ATG7: variants seen among roughly 807,000 people sequenced by gnomAD.
ATG7 encodes the protein ubiquitin-like modifier-activating enzyme ATG7.
A neutral mutation model predicts 82.4 loss-of-function variants in ATG7; 70 were observed. The ratio of observed to expected loss-of-function variants is 0.85; its 90% CI spans 0.70 to 1.04. The LOEUF is 1.04. ATG7 is among the 50% of genes least tolerant of loss of function. ATG7 has a pLI of 0.00. For synonymous variants in ATG7, 287 were observed against 313.0 expected (o/e 0.92, Z 0.88); for missense variants, 792 against 864.3 (o/e 0.92, Z 1.05).
At chr3:11,278,316 A>G (rs1431010594) in intron 1 of ATG7, among the ~76,000 whole-genome samples, 1 of 152,236 alleles carries the variant, frequency 6.6e-6, no homozygotes, top group Non-Finnish European at 1.5e-5. Flanking sequence ...AATCTTCACA[A>G]TTTATGTTCA....
chr3:11,438,668 G>C (rs964619877), intron 20 of ATG7, among the ~76,000 whole-genome samples: 1 of 152,114 alleles, frequency 6.6e-6, no homozygotes, highest in Non-Finnish European at 1.5e-5. Flanking sequence ...CAGAAGCTCT[G>C]ATTGGTAGTT....
chr3:11,339,917 T>C (rs902114394), intron 11 of ATG7, among the ~76,000 whole-genome samples: 2 of 152,170 alleles, frequency 1.3e-5, no homozygotes, highest in East Asian at 3.8e-4. Context: ...AGAAGACAGA[T>C]ATAAGTATAG....
intron 20 of ATG7, among the ~76,000 whole-genome samples, chr3:11,503,695 G>A (rs2091501938): frequency 1.4e-5 from 2 of 140,822 alleles, no homozygotes; most frequent in Non-Finnish European, 1.5e-5. Context: ...GGCGGAGGTT[G>A]CAGTGAGCCA....
At chr3:11,516,150 T>C (rs2092274511) in intron 20 of ATG7, among the ~76,000 whole-genome samples, 2 of 151,754 alleles carry the variant, frequency 1.3e-5, no homozygotes, top group Admixed American at 1.3e-4. Context: ...AAAGAATGCA[T>C]CCCCAACTCA....
In ATG7 at chr3:11,533,825, ACT is replaced by A. The variant is rs1371554041; in HGVS notation, c.2080-20983_2080-20982del. On this transcript the variant is annotated intron_variant, in intron 20 of 20. Coordinates refer to ENST00000693202, the MANE Select transcript of ATG7 (RefSeq NM_001349232.2). ...AAACAAAAGAAACTAGAAGCAGAAA[ACT>A]CTGAATTGTTTATAAAATGGGCTTT... Among the ~76,000 whole-genome samples the A allele has an allele frequency of 1.4e-4, 22 of 152,262 alleles. No individual in the cohort carries two copies. In the East Asian group the frequency reaches 4.1e-3, roughly 28 times the overall value.
the ATG7 span, among the ~76,000 whole-genome samples, chr3:11,573,245 GAGAA>G: frequency 0.024 from 1,901 of 78,586 alleles, 66 homozygotes; most frequent in African/African-American, 0.029. Context: ...AAAAGAAATA[GAGAA>G]AGAAAGAAAG....
rs2072267050 is a variant in ATG7, at chr3:11,554,993, T to C, written c.*150T>C. ...GATTCCCCCCTCTGCTGCCCAGGAG[T>C]GGCCAGTGTTCGGCGTTGCTCGGGA... On this transcript the variant is annotated 3_prime_UTR_variant, in exon 21 of 21. Transcript: ENST00000693202. The C allele has an allele frequency of 1.0e-6, 1 of 991,716 alleles. No homozygotes were observed. The highest frequency in any genetic ancestry group is 1.7e-5 in the African/African-American group (1 of 60,576). The allele number at this position is 991,716 out of a possible 1,614,324, so 61.4% of individuals were successfully genotyped here.
At chr3:11,412,609 G>A (rs1158397327) in intron 19 of ATG7, among the ~76,000 whole-genome samples, 1 of 152,190 alleles carries the variant, frequency 6.6e-6, no homozygotes, top group Admixed American at 6.5e-5. Context: ...TGGAAATCAG[G>A]AAGTGTGAGT....
intron 20 of ATG7, among the ~76,000 whole-genome samples, chr3:11,477,520 G>A (rs2088394198): frequency 6.6e-6 from 1 of 152,166 alleles, no homozygotes; most frequent in South Asian, 2.1e-4. Flanking sequence ...CAAACAAAAA[G>A]TTGCCGCAAA....
intron 9 of ATG7, among the ~76,000 whole-genome samples, chr3:11,330,677 T>C (rs2606750): frequency 0.53 from 80,274 of 151,952 alleles, 22,205 homozygotes; most frequent in Non-Finnish European, 0.63. Context: ...TCATTGTCTT[T>C]GAAAGGAAGG....
At chr3:11,275,369 G>A (rs925752751) in intron 1 of ATG7, among the ~76,000 whole-genome samples, 1 of 145,192 alleles carries the variant, frequency 6.9e-6, no homozygotes, top group African/African-American at 2.6e-5. Context: ...TTTTTTTTGA[G>A]ATGGAGTCTC....
intron 20 of ATG7, among the ~76,000 whole-genome samples, chr3:11,552,369 A>G (rs2071884670): frequency 6.6e-6 from 1 of 152,178 alleles, no homozygotes; most frequent in Non-Finnish European, 1.5e-5. Flanking sequence ...TATTTTTTAA[A>G]ATGTGCCAGT....
chr3:11,499,689 G>A (rs1338271622), intron 20 of ATG7, among the ~76,000 whole-genome samples: 2 of 151,024 alleles, frequency 1.3e-5, no homozygotes, highest in African/African-American at 4.9e-5. Context: ...AGAGGTTGCA[G>A]TGAGCCAAGA....
intron 20 of ATG7, among the ~76,000 whole-genome samples, chr3:11,479,936 T>G (rs1054616009): frequency 4.6e-5 from 7 of 151,902 alleles, no homozygotes; most frequent in Non-Finnish European, 1.0e-4. Context: ...TCAATTTTTT[T>G]TTTTTTTTTG....
intron 20 of ATG7, among the ~76,000 whole-genome samples, chr3:11,451,910 C>A (rs935251826): frequency 6.6e-6 from 1 of 150,998 alleles, no homozygotes; most frequent in African/African-American, 2.4e-5. Context: ...CAGACACACA[C>A]ACACACACAT....
chr3:11,561,758 G>T (rs191860077), downstream of ATG7, among the ~76,000 whole-genome samples: 1 of 152,072 alleles, frequency 6.6e-6, no homozygotes, highest in Non-Finnish European at 1.5e-5. Context: ...GGGCCAGTAT[G>T]AGCCCTGTCA....
At chr3:11,361,672 T>C (rs2076295106) in intron 16 of ATG7, among the ~76,000 whole-genome samples, 1 of 152,216 alleles carries the variant, frequency 6.6e-6, no homozygotes, top group Admixed American at 6.5e-5. Context: ...CAAATTTAAC[T>C]GAGTGTCTTG....
At chr3:11,461,902 C>T (rs1029030585) in intron 20 of ATG7, among the ~76,000 whole-genome samples, 2 of 151,788 alleles carry the variant, frequency 1.3e-5, no homozygotes, top group South Asian at 2.1e-4. Flanking sequence ...TGGTGGCGGG[C>T]GCCTGTAGTC....
chr3:11,462,746 G>A (rs1389742397), intron 20 of ATG7, among the ~76,000 whole-genome samples: 2 of 152,102 alleles, frequency 1.3e-5, no homozygotes, highest in Admixed American at 6.5e-5. Flanking sequence ...CCCCCCAGGG[G>A]CAGTCTTCCC....
Sources: allele counts gnomAD v4.1 joint callset (sites outside exome capture counted in the v4.1 genomes callset), GRCh38; gene constraint gnomAD v4.1.1; transcripts MANE v1.5; gene names NCBI Gene and HGNC (gene_info 2026-07-23, HGNC 2026-07-21).